SUPT3H: variants seen among roughly 807,000 people sequenced by gnomAD.
The protein encoded by SUPT3H is transcription initiation protein SPT3 homolog.
Under a neutral mutation model 44.3 loss-of-function variants are expected in SUPT3H, and 44 were observed. The observed-to-expected ratio is 0.99, with a 90% CI of 0.78 to 1.28. The LOEUF is 1.28. Among genes scored for constraint, SUPT3H ranks in the 50% most tolerant of loss-of-function variants. SUPT3H has a pLI of 0.00. For synonymous variants in SUPT3H, 124 were observed against 125.6 expected, an observed-to-expected ratio of 0.99 and a Z score of 0.09; for missense variants, 380 against 387.1, an observed-to-expected ratio of 0.98 and a Z score of 0.15.
chr6:45,338,265 A>G (rs1789006159), intron 2 of SUPT3H, among the ~76,000 whole-genome samples: 1 of 152,024 alleles, frequency 6.6e-6, no homozygotes, highest in Non-Finnish European at 1.5e-5. Context: ...CATCACCTCT[A>G]AAGAAGTTAT....
intron 10 of SUPT3H, among the ~76,000 whole-genome samples, chr6:44,881,648 C>T (rs576826070): frequency 6.6e-6 from 1 of 152,180 alleles, no homozygotes; most frequent in East Asian, 1.9e-4. Context: ...GTCAAACACT[C>T]CTCAGCAAAT....
chr6:44,863,739 GA>G (rs1160789596), intron 10 of SUPT3H, among the ~76,000 whole-genome samples: 1 of 151,542 alleles, frequency 6.6e-6, no homozygotes, highest in Admixed American at 6.6e-5. Context: ...AATTTACAAA[GA>G]AAAAGAGATT....
At chr6:45,266,639 C>T (rs973621421) in intron 2 of SUPT3H, among the ~76,000 whole-genome samples, 1 of 151,914 alleles carries the variant, frequency 6.6e-6, no homozygotes, top group African/African-American at 2.4e-5. Flanking sequence ...TTTTCACATT[C>T]AACTAAGTAA....
chr6:45,052,814 G>A (rs1790503342), intron 3 of SUPT3H, among the ~76,000 whole-genome samples: 1 of 152,042 alleles, frequency 6.6e-6, no homozygotes, highest in Non-Finnish European at 1.5e-5. Context: ...TAGTTTAATG[G>A]GCAAGACAGA....
chr6:45,078,892 G>C (rs1034738647), intron 3 of SUPT3H, among the ~76,000 whole-genome samples: 1 of 152,052 alleles, frequency 6.6e-6, no homozygotes, highest in African/African-American at 2.4e-5. Flanking sequence ...TTTGACTTTT[G>C]ACAGTTTAAT....
chr6:45,031,335 T>A (rs1351497498), intron 3 of SUPT3H, among the ~76,000 whole-genome samples: 1 of 152,202 alleles, frequency 6.6e-6, no homozygotes, highest in African/African-American at 2.4e-5. Context: ...GTGATATTTT[T>A]ATCCTTAATT....
intron 2 of SUPT3H, among the ~76,000 whole-genome samples, chr6:45,218,755 AATC>A (rs1765506025): frequency 6.6e-6 from 1 of 152,210 alleles, no homozygotes; most frequent in Admixed American, 6.5e-5. Flanking sequence ...CTAGTGAGAA[AATC>A]ATCAAGAATA....
At chr6:45,322,803 T>G (rs1785718383) in intron 2 of SUPT3H, 1 of 1,096,416 alleles carries the variant, frequency 9.1e-7, no homozygotes, top group Non-Finnish European at 1.4e-6. Flanking sequence ...CGCCCATATA[T>G]TTTGGCAAGA....
chr6:45,355,770 A>G (rs1029619495), intron 2 of SUPT3H, among the ~76,000 whole-genome samples: 2 of 152,222 alleles, frequency 1.3e-5, no homozygotes, highest in African/African-American at 4.8e-5. Context: ...AGAATAAAAA[A>G]TACTATCAGT....
chr6:45,366,846 T>C (rs1795219471), intron 1 of SUPT3H, among the ~76,000 whole-genome samples: 1 of 152,192 alleles, frequency 6.6e-6, no homozygotes, highest in Admixed American at 6.5e-5. Context: ...CTTCCCCTCT[T>C]GTCCTACGGC....
chr6:44,930,544 A>G, intron 10 of SUPT3H, among the ~76,000 whole-genome samples: 1 of 145,722 alleles, frequency 6.9e-6, no homozygotes, highest in African/African-American at 2.6e-5. Context: ...AGCCTGGGCA[A>G]ACAGAGTGAG....
chr6:45,273,324 T>C (rs1776509312), intron 2 of SUPT3H, among the ~76,000 whole-genome samples: 1 of 152,212 alleles, frequency 6.6e-6, no homozygotes, highest in African/African-American at 2.4e-5. Context: ...GAGACGTTCA[T>C]TTGTAAACTG....
intron 2 of SUPT3H, among the ~76,000 whole-genome samples, chr6:45,196,170 G>C (rs571270260): frequency 4.7e-4 from 72 of 152,092 alleles, no homozygotes; most frequent in Non-Finnish European, 8.1e-4. Context: ...CATTTTAAAA[G>C]GGGGTAGGGG....
At chr6:44,900,653 C>T (rs1024116460) in intron 10 of SUPT3H, among the ~76,000 whole-genome samples, 3 of 152,198 alleles carry the variant, frequency 2.0e-5, no homozygotes, top group African/African-American at 7.2e-5. Flanking sequence ...ATGCCCCTGT[C>T]TGACAGCTTT....
chr6:45,354,440 C>T (rs1170285636), intron 2 of SUPT3H, among the ~76,000 whole-genome samples: 1 of 152,100 alleles, frequency 6.6e-6, no homozygotes, highest in Non-Finnish European at 1.5e-5. Context: ...GTGTATGCCT[C>T]GCTTGGAAAG....
intron 10 of SUPT3H, among the ~76,000 whole-genome samples, chr6:44,928,959 T>C (rs1022044347): frequency 6.6e-6 from 1 of 150,548 alleles, no homozygotes; most frequent in African/African-American, 2.4e-5. Context: ...GAGAGTACTG[T>C]TGTTAACCAC....
At chr6:45,230,333 C>G (rs1021978954) in intron 2 of SUPT3H, among the ~76,000 whole-genome samples, 3 of 151,988 alleles carry the variant, frequency 2.0e-5, no homozygotes, top group Non-Finnish European at 2.9e-5. Flanking sequence ...GATGTTCAGG[C>G]CTGCACAATT....
chr6:45,077,377 A>T (rs1052929433), intron 3 of SUPT3H, among the ~76,000 whole-genome samples: 1 of 152,146 alleles, frequency 6.6e-6, no homozygotes, highest in African/African-American at 2.4e-5. Flanking sequence ...CTATAATCCC[A>T]GCACTTTGGC....
chr6:44,833,581 A>G (rs993090031), intron 10 of SUPT3H, among the ~76,000 whole-genome samples: 10 of 152,220 alleles, frequency 6.6e-5, no homozygotes, highest in African/African-American at 2.2e-4. Context: ...AGATTTGTCT[A>G]TTTCTCAAAG....
Sources: allele counts gnomAD v4.1 joint callset (sites outside exome capture counted in the v4.1 genomes callset), GRCh38; gene constraint gnomAD v4.1.1; transcripts MANE v1.5; gene names NCBI Gene and HGNC (gene_info 2026-07-23, HGNC 2026-07-21).